NLRP5: variants seen among roughly 807,000 people sequenced by gnomAD.
NLRP5 encodes NLR family pyrin domain containing 5.
A neutral mutation model predicts 113.1 loss-of-function variants in NLRP5; 93 were observed. The observed-to-expected ratio is 0.82, with a 90% CI of 0.70 to 0.98. The LOEUF is 0.98. Ranked by LOEUF, NLRP5 falls within the 50% of genes least tolerant of loss-of-function variation. The pLI is 0.00. For missense variants in NLRP5, 1,808 were observed against 1,514.3 expected (o/e 1.19, Z -3.22); for synonymous variants, 751 against 600.7 (o/e 1.25, Z -3.66).
upstream of NLRP5, among the ~76,000 whole-genome samples, chr19:55,997,485 C>T (rs530558982): frequency 4.6e-5 from 7 of 152,180 alleles, no homozygotes; most frequent in African/African-American, 1.4e-4. Flanking sequence ...GAAGAATTCC[C>T]TCCCCTTCAA....
chr19:56,023,937 C>G (rs1321208563), intron 6 of NLRP5, among the ~76,000 whole-genome samples: 1 of 152,066 alleles, frequency 6.6e-6, no homozygotes, highest in Non-Finnish European at 1.5e-5. Flanking sequence ...TACCAGTAAA[C>G]TTAAGGTCCC....
At chr19:56,053,600 G>T in intron 12 of NLRP5, 38 bp from the exon 13 acceptor site, 7 of 1,583,538 alleles carry the variant, frequency 4.4e-6, no homozygotes, top group South Asian at 2.3e-5. Context: ...CACTTTCCTC[G>T]AGAGAGGCAG....
intron 2 of NLRP5, among the ~76,000 whole-genome samples, chr19:56,004,379 G>A (rs974937136): frequency 6.6e-6 from 1 of 152,128 alleles, no homozygotes; most frequent in African/African-American, 2.4e-5. Flanking sequence ...GAGCTCTGGC[G>A]CTATCACGGG....
At chr19:56,051,182 CTTT>C (rs1050554491) in intron 12 of NLRP5, among the ~76,000 whole-genome samples, 1 of 151,020 alleles carries the variant, frequency 6.6e-6, no homozygotes, top group Non-Finnish European at 1.5e-5. Context: ...AATGCGTTCT[CTTT>C]TTTTCTTTTT....
chr19:56,022,333 C>A (rs1476416844), intron 6 of NLRP5, among the ~76,000 whole-genome samples: 1 of 152,146 alleles, frequency 6.6e-6, no homozygotes, highest in Non-Finnish European at 1.5e-5. Flanking sequence ...AATCCTCCTG[C>A]CTCAGCCTCC....
intron 8 of NLRP5, among the ~76,000 whole-genome samples, chr19:56,033,017 G>C (rs1983181930): frequency 6.6e-6 from 1 of 152,020 alleles, no homozygotes; most frequent in South Asian, 2.1e-4. Flanking sequence ...AGGCCGAGGT[G>C]GGTGGATCAC....
At chr19:55,997,861 T>TTA (rs1981378211), upstream of NLRP5, among the ~76,000 whole-genome samples, 2 of 82,840 alleles carry the variant, frequency 2.4e-5, no homozygotes, top group Admixed American at 1.1e-4. Flanking sequence ...ACACTCTATC[T>TTA]CAAAAAAAAA....
At chr19:56,055,537 C>CTTTTTTTTTTTTTTTTTTTTTT (rs1160965587) in intron 13 of NLRP5, among the ~76,000 whole-genome samples, 4 of 76,454 alleles carry the variant, frequency 5.2e-5, no homozygotes, top group Non-Finnish European at 7.1e-5. Flanking sequence ...CTTTCTCTGT[C>CTTTTTTTTTTTTTTTTTTTTTT]TTTTTTTTTT....
At chr19:56,032,842 T>A in intron 8 of NLRP5, 61 bp downstream of exon 8, 1 of 1,495,934 alleles carries the variant, frequency 6.7e-7, no homozygotes, top group South Asian at 1.3e-5. Context: ...AGCTCTCCCC[T>A]ACCTCCTGAG....
At chr19:56,020,572 C>G in intron 6 of NLRP5, 141 bp downstream of exon 6, 2 of 879,814 alleles carry the variant, frequency 2.3e-6, no homozygotes, top group South Asian at 1.7e-5. Flanking sequence ...AACCCCTTCC[C>G]TTCAAGCTCT....
chr19:56,009,016 C>G (rs1463856462), intron 3 of NLRP5, among the ~76,000 whole-genome samples, 163 bp downstream of exon 3: 2 of 152,014 alleles, frequency 1.3e-5, no homozygotes, highest in Non-Finnish European at 2.9e-5. Context: ...TCTGGTAATT[C>G]TGGTATTTCT....
intron 13 of NLRP5, among the ~76,000 whole-genome samples, chr19:56,056,503 A>G (rs560416477): frequency 1.3e-5 from 2 of 151,722 alleles, no homozygotes; most frequent in Admixed American, 1.3e-4. Context: ...GTTGCAGTGA[A>G]CCGAGAACGT....
At chr19:56,061,018 TTATC>T (rs60332204) in intron 14 of NLRP5, among the ~76,000 whole-genome samples, 29,090 of 151,942 alleles carry the variant, frequency 0.19, 2,997 homozygotes, top group Non-Finnish European at 0.25. Flanking sequence ...GCATGCATAA[TTATC>T]TATTCATGCT....
At chr19:56,052,519 C>T (rs565634230) in intron 12 of NLRP5, among the ~76,000 whole-genome samples, 1 of 152,288 alleles carries the variant, frequency 6.6e-6, no homozygotes, top group African/African-American at 2.4e-5. Context: ...ATCCACTCAC[C>T]TTGGCCTCCC....
chr19:55,998,700 A>ACG (rs1399457783), upstream of NLRP5, among the ~76,000 whole-genome samples: 1 of 89,624 alleles, frequency 1.1e-5, no homozygotes, highest in Non-Finnish European at 2.1e-5. Context: ...ATATATATAT[A>ACG]TATGTGTGTG....
intron 2 of NLRP5, among the ~76,000 whole-genome samples, chr19:56,007,430 A>G (rs1981967997): frequency 6.6e-6 from 1 of 150,446 alleles, no homozygotes; most frequent in Non-Finnish European, 1.5e-5. Flanking sequence ...CACTTCCTAG[A>G]AGGAGTAAGC....
intron 3 of NLRP5, among the ~76,000 whole-genome samples, chr19:56,011,627 A>ATT (rs111647646): frequency 7.4e-5 from 11 of 149,396 alleles, no homozygotes; most frequent in African/African-American, 2.7e-4. Flanking sequence ...AGAAAGCCTG[A>ATT]TTTTTTTTTT....
intron 2 of NLRP5, among the ~76,000 whole-genome samples, chr19:56,005,954 A>C (rs1301595159): frequency 1.1e-4 from 16 of 152,234 alleles, no homozygotes; most frequent in Non-Finnish European, 2.2e-4. Flanking sequence ...TGGGCTAATA[A>C]GTGGCAAAGA....
At chr19:55,987,148 C>A in the NLRP5 span, among the ~76,000 whole-genome samples, 3 of 152,192 alleles carry the variant, frequency 2.0e-5, no homozygotes, top group Non-Finnish European at 4.4e-5. Flanking sequence ...GCAGGTGGAT[C>A]ATCTGAGGTC....
Sources: allele counts gnomAD v4.1 joint callset (sites outside exome capture counted in the v4.1 genomes callset), GRCh38; gene constraint gnomAD v4.1.1; transcripts MANE v1.5; gene names NCBI Gene and HGNC (gene_info 2026-07-23, HGNC 2026-07-21).